The following FOXP1 variants were observed in gnomAD, a reference collection of about 807,000 sequenced individuals.
The protein encoded by FOXP1 is forkhead box protein P1.
A neutral mutation model predicts 98.2 loss-of-function variants in FOXP1; 15 were observed. That is an observed-to-expected ratio of 0.15 (90% CI 0.10 to 0.24). The LOEUF is 0.24. FOXP1 is among the 10% of genes least tolerant of loss of function. The pLI is 1.00. For synonymous variants in FOXP1, 371 were observed against 314.5 expected, an observed-to-expected ratio of 1.18 and a Z score of -1.90; for missense variants, 633 against 848.5, an observed-to-expected ratio of 0.75 and a Z score of 3.15.
intron 11 of FOXP1, among the ~76,000 whole-genome samples, chr3:71,033,368 A>C (rs1386358068): frequency 6.6e-6 from 1 of 152,176 alleles, no homozygotes. Flanking sequence ...CTAATAAAAA[A>C]ATTCAAATCA....
intron 5 of FOXP1, among the ~76,000 whole-genome samples, chr3:71,224,879 A>G (rs1252500363): frequency 6.6e-6 from 1 of 152,214 alleles, no homozygotes; most frequent in Non-Finnish European, 1.5e-5. Flanking sequence ...TGTTTAAGAG[A>G]ATTAGAAATA....
chr3:71,303,476 T>C (rs1278003313), intron 4 of FOXP1, among the ~76,000 whole-genome samples: 1 of 152,152 alleles, frequency 6.6e-6, no homozygotes, highest in African/African-American at 2.4e-5. Context: ...CTGTACTCAT[T>C]TGCAAAAACT....
At chr3:71,359,737 C>T (rs904175957) in intron 3 of FOXP1, among the ~76,000 whole-genome samples, 1 of 151,880 alleles carries the variant, frequency 6.6e-6, no homozygotes, top group Non-Finnish European at 1.5e-5. Flanking sequence ...TTTAGTAGGC[C>T]GGCTGGTCTC....
intron 3 of FOXP1, among the ~76,000 whole-genome samples, chr3:71,387,033 G>T (rs193277731): frequency 2.0e-5 from 3 of 152,100 alleles, no homozygotes; most frequent in Non-Finnish European, 2.9e-5. Flanking sequence ...TGAGCACCAA[G>T]ATTTTTAGAC....
chr3:71,148,652 A>G (rs958356331), intron 6 of FOXP1, among the ~76,000 whole-genome samples: 1 of 152,214 alleles, frequency 6.6e-6, no homozygotes, highest in South Asian at 2.1e-4. Context: ...GATTATGAGC[A>G]CTAGCCTCAG....
At chr3:71,552,172 A>C (rs575082597) in intron 2 of FOXP1, among the ~76,000 whole-genome samples, 5 of 152,148 alleles carry the variant, frequency 3.3e-5, no homozygotes, top group Non-Finnish European at 7.4e-5. Context: ...GTAAGGCAGA[A>C]CCAATGCAAT....
Position 70,958,466 on chromosome 3 carries a change from G to C in FOXP1, c.*781C>G, listed in dbSNP as rs995580595. ...AGAAACGTGGTGATGTCTGAAGGAA[G>C]ATGGAATGAGTGACAGAAAGCTACA... On this transcript the variant is annotated 3_prime_UTR_variant, in exon 21 of 21. Coordinates refer to ENST00000649528, the MANE Select transcript of FOXP1 (RefSeq NM_001349338.3). 1.0e-5 allele frequency: 4 copies of C among 393,728 alleles called. No individual in the cohort carries two copies. In the Admixed American group the frequency reaches 1.4e-4, roughly 14 times the overall value. 24.4% of individuals were successfully genotyped at this position (393,728 alleles called of 1,614,324 possible). A position where few individuals can be genotyped will look rare whatever the true frequency, so the allele number is the denominator to read the frequency against.
At chr3:71,151,980 T>G (rs889525969) in intron 6 of FOXP1, among the ~76,000 whole-genome samples, 1 of 152,212 alleles carries the variant, frequency 6.6e-6, no homozygotes, top group Non-Finnish European at 1.5e-5. Context: ...TACATTCCTT[T>G]GATTAAGTTA....
chr3:70,988,599 C>T (rs762764610), intron 13 of FOXP1, among the ~76,000 whole-genome samples: 2 of 152,228 alleles, frequency 1.3e-5, no homozygotes, highest in Non-Finnish European at 2.9e-5. Flanking sequence ...CATTTTCAAA[C>T]GAGTGTAGAA....
intron 5 of FOXP1, among the ~76,000 whole-genome samples, chr3:71,221,492 T>C (rs549068072): frequency 1.3e-5 from 2 of 152,288 alleles, no homozygotes; most frequent in Admixed American, 1.3e-4. Context: ...CAACATCAAA[T>C]ACCTTCATCC....
At chr3:71,182,284 G>A (rs1464044172) in intron 6 of FOXP1, among the ~76,000 whole-genome samples, 1 of 152,030 alleles carries the variant, frequency 6.6e-6, no homozygotes, top group African/African-American at 2.4e-5. Context: ...CCTTGTACCT[G>A]CACAAATTGT....
chr3:71,005,407 G>A (rs995148347), intron 12 of FOXP1, among the ~76,000 whole-genome samples: 73 of 147,374 alleles, frequency 5.0e-4, no homozygotes, highest in African/African-American at 1.7e-3. Flanking sequence ...GCTAACTTCA[G>A]TTGATTTTTA....
chr3:70,959,242 G>A lies in FOXP1; in HGVS notation c.*5C>T, dbSNP rs918813752. 3.7e-6 allele frequency: 6 copies of A among 1,611,478 alleles called. No homozygotes were observed. In the African/African-American group the frequency reaches 4.1e-5, roughly 11 times the overall value. ...TTCATTCTCGGGGTTGGCCCGCCCC[G>A]ATAGTCACTCCATGTCCTCGTTTAC... On this transcript the variant is annotated 3_prime_UTR_variant, in exon 21 of 21. Transcript: ENST00000649528.
At chr3:71,243,267 C>T (rs536897552) in intron 5 of FOXP1, among the ~76,000 whole-genome samples, 3 of 152,330 alleles carry the variant, frequency 2.0e-5, no homozygotes, top group East Asian at 1.9e-4. Flanking sequence ...AACTTAGGGG[C>T]TGCTCAAGCT....
At chr3:71,077,383 C>A (rs557111618) in intron 7 of FOXP1, among the ~76,000 whole-genome samples, 11 of 152,168 alleles carry the variant, frequency 7.2e-5, no homozygotes, top group African/African-American at 2.4e-4. Context: ...TTCCTTATGA[C>A]CTAAGTGGGG....
chr3:71,456,554 G>T (rs1459055475), intron 3 of FOXP1, among the ~76,000 whole-genome samples: 1 of 152,136 alleles, frequency 6.6e-6, no homozygotes, highest in Non-Finnish European at 1.5e-5. Flanking sequence ...TATGGAAGAA[G>T]CCTGTTCCCA....
chr3:71,356,864 T>A (rs2078198149), intron 4 of FOXP1, among the ~76,000 whole-genome samples: 2 of 152,206 alleles, frequency 1.3e-5, no homozygotes, highest in Admixed American at 1.3e-4. Flanking sequence ...AGGCAGAGAA[T>A]ATATTATTAA....
intron 3 of FOXP1, among the ~76,000 whole-genome samples, chr3:71,467,121 C>G (rs1045549593): frequency 6.6e-6 from 1 of 152,046 alleles, no homozygotes; most frequent in Admixed American, 6.6e-5. Flanking sequence ...TGTGTGTGTA[C>G]GTGTGTGTGT....
intron 5 of FOXP1, among the ~76,000 whole-genome samples, chr3:71,245,803 C>T (rs756433166): frequency 2.0e-5 from 3 of 151,102 alleles, no homozygotes; most frequent in African/African-American, 7.3e-5. Context: ...AATCACCACC[C>T]CCCCCACCCA....
Sources: gnomAD v4.1 joint callset for allele counts (sites outside exome capture counted in the v4.1 genomes callset) on GRCh38, gnomAD v4.1.1 for gene constraint, MANE v1.5 for transcripts, NCBI Gene and HGNC (gene_info 2026-07-23, HGNC 2026-07-21) for gene names.